The following SMYD3 variants were observed in gnomAD, a reference collection of about 807,000 sequenced individuals.
The protein encoded by SMYD3 is histone-lysine N-methyltransferase SMYD3.
SMYD3 carries 36 observed loss-of-function variants against 57.7 expected under a neutral mutation model. The ratio of observed to expected loss-of-function variants is 0.62; its 90% CI spans 0.48 to 0.82. The LOEUF (loss-of-function observed/expected upper bound fraction) is 0.82, where lower values mean the gene tolerates loss of function less well. Among genes scored for constraint, SMYD3 ranks in the 40% least tolerant of loss-of-function variants. SMYD3 has a pLI of 0.00. For synonymous variants in SMYD3, 211 were observed against 195.0 expected (o/e 1.08, Z -0.68); for missense variants, 515 against 538.8 (o/e 0.96, Z 0.44).
chr1:245,760,300 C>T (rs182462899), intron 11 of SMYD3, among the ~76,000 whole-genome samples: 10 of 152,226 alleles, frequency 6.6e-5, no homozygotes, highest in South Asian at 2.1e-4. Flanking sequence ...AAGAGCATCC[C>T]GAGGGTGCCC....
At chr1:246,105,391 A>T (rs1054374766) in intron 5 of SMYD3, among the ~76,000 whole-genome samples, 1 of 152,166 alleles carries the variant, frequency 6.6e-6, no homozygotes, top group Non-Finnish European at 1.5e-5. Flanking sequence ...AAGCACTAAA[A>T]ATGAACAATG....
intron 5 of SMYD3, among the ~76,000 whole-genome samples, chr1:245,980,678 T>G (rs1040196964): frequency 6.6e-6 from 1 of 152,238 alleles, no homozygotes; most frequent in African/African-American, 2.4e-5. Context: ...AATGCAGCTG[T>G]CAGTAACTCT....
intron 8 of SMYD3, among the ~76,000 whole-genome samples, chr1:245,897,517 A>C (rs1420822406): frequency 1.3e-5 from 2 of 152,260 alleles, no homozygotes; most frequent in Admixed American, 6.5e-5. Context: ...ACTAAATTGT[A>C]TTCTTGGAAA....
At chr1:246,459,063 T>G (rs1038155805) in intron 1 of SMYD3, among the ~76,000 whole-genome samples, 15 of 151,838 alleles carry the variant, frequency 9.9e-5, no homozygotes, top group Admixed American at 7.2e-4. Flanking sequence ...GATGGGGGGG[T>G]GACTGAATCA....
intron 8 of SMYD3, among the ~76,000 whole-genome samples, chr1:245,881,126 T>C (rs2052756715): frequency 6.6e-6 from 1 of 152,228 alleles, no homozygotes; most frequent in Non-Finnish European, 1.5e-5. Context: ...GGGATATTCA[T>C]GCTTTTGACC....
At chr1:245,997,758 G>A (rs2058961010) in intron 5 of SMYD3, among the ~76,000 whole-genome samples, 1 of 152,136 alleles carries the variant, frequency 6.6e-6, no homozygotes, top group Non-Finnish European at 1.5e-5. Flanking sequence ...TCACGGCAGC[G>A]GACAGCACTT....
In SMYD3 at chr1:245,756,361, T is replaced by C. The variant is rs1319219542; in HGVS notation, c.1186-6697A>G. ...TTTAGAATCATATCAGATAGTGTTA[T>C]AATTTTTGCTTCAACTATCAAACAA... On this transcript the variant is annotated intron_variant, in intron 11 of 11. Coordinates refer to ENST00000490107, the MANE Select transcript of SMYD3 (RefSeq NM_001167740.2). Among the ~76,000 whole-genome samples the C allele has an allele frequency of 2.0e-5, 3 of 151,962 alleles. No homozygotes were observed. The East Asian group carries it at 5.8e-4, about 29-fold the overall frequency.
chr1:246,054,723 G>A (rs1370960522), intron 5 of SMYD3, among the ~76,000 whole-genome samples: 1 of 151,722 alleles, frequency 6.6e-6, no homozygotes, highest in East Asian at 1.9e-4. Context: ...GGTGGGTGAG[G>A]GATAGACTGA....
intron 5 of SMYD3, among the ~76,000 whole-genome samples, chr1:246,255,959 T>G (rs1307637813): frequency 1.3e-5 from 2 of 151,184 alleles, no homozygotes; most frequent in African/African-American, 4.9e-5. Context: ...GATAGATAGA[T>G]AGATAGATAG....
At chr1:245,774,847 T>C (rs56241011) in intron 10 of SMYD3, among the ~76,000 whole-genome samples, 55,921 of 151,394 alleles carry the variant, frequency 0.37, 12,549 homozygotes, top group East Asian at 0.88. Context: ...ATTGCAGGGG[T>C]GCACCGCCAC....
intron 5 of SMYD3, among the ~76,000 whole-genome samples, chr1:246,101,076 T>A (rs1428961012): frequency 8.2e-6 from 1 of 122,540 alleles, no homozygotes; most frequent in Admixed American, 7.7e-5. Context: ...TTTTTGTTTT[T>A]TTTTTTTTTT....
intron 10 of SMYD3, among the ~76,000 whole-genome samples, chr1:245,775,715 TAAAA>T (rs749327071): frequency 1.2e-4 from 13 of 109,958 alleles, no homozygotes; most frequent in Admixed American, 3.3e-4. Context: ...CAATAAATAC[TAAAA>T]AAAAAAAAAA....
chr1:245,783,889 T>C (rs777770454), intron 10 of SMYD3, among the ~76,000 whole-genome samples: 1 of 152,208 alleles, frequency 6.6e-6, no homozygotes, highest in African/African-American at 2.4e-5. Context: ...AGATGAAAGA[T>C]CTAAATAAAT....
At chr1:246,394,124 A>G (rs764859556) in intron 1 of SMYD3, among the ~76,000 whole-genome samples, 3 of 152,248 alleles carry the variant, frequency 2.0e-5, no homozygotes, top group African/African-American at 4.8e-5. Flanking sequence ...AAATGATACT[A>G]GTAGGACAAT....
chr1:246,247,505 T>C (rs569607360), intron 5 of SMYD3, among the ~76,000 whole-genome samples: 2 of 142,976 alleles, frequency 1.4e-5, no homozygotes, highest in Non-Finnish European at 3.0e-5. Flanking sequence ...ATGGGACTCA[T>C]ATATATATAT....
At chr1:246,379,247 A>G (rs1174044239) in intron 1 of SMYD3, among the ~76,000 whole-genome samples, 1 of 150,650 alleles carries the variant, frequency 6.6e-6, no homozygotes, top group African/African-American at 2.4e-5. Context: ...ATAACATTAC[A>G]TGGGTGTAAT....
chr1:246,352,390 C>T (rs920974257), intron 2 of SMYD3, among the ~76,000 whole-genome samples: 10 of 152,150 alleles, frequency 6.6e-5, no homozygotes, highest in Non-Finnish European at 1.3e-4. Context: ...ATTCCAAGTG[C>T]TTTTGCGTTC....
chr1:246,127,318 G>C (rs1453979148), intron 5 of SMYD3, among the ~76,000 whole-genome samples: 2 of 151,970 alleles, frequency 1.3e-5, no homozygotes, highest in African/African-American at 4.8e-5. Flanking sequence ...CTCATTCACA[G>C]AAAAGGTGAG....
intron 10 of SMYD3, among the ~76,000 whole-genome samples, chr1:245,775,277 G>A (rs1325201980): frequency 6.6e-6 from 1 of 152,214 alleles, no homozygotes; most frequent in Non-Finnish European, 1.5e-5. Flanking sequence ...GAGTGGAAGG[G>A]GGGAAGTGTG....
Sources: gnomAD v4.1 joint callset for allele counts (sites outside exome capture counted in the v4.1 genomes callset) on GRCh38, gnomAD v4.1.1 for gene constraint, MANE v1.5 for transcripts, NCBI Gene and HGNC (gene_info 2026-07-23, HGNC 2026-07-21) for gene names.